Variants in NRG1 observed in about 807,000 individuals in gnomAD.
The protein encoded by NRG1 is neuregulin 1, also known as pro-neuregulin-1, membrane-bound isoform.
In NRG1, 18 loss-of-function variants were observed where a neutral mutation model predicts 63.8. The ratio of observed to expected loss-of-function variants is 0.28; its 90% confidence interval spans 0.19 to 0.42. NRG1 has a LOEUF of 0.42. NRG1 is among the 10% of genes least tolerant of loss of function. NRG1 has a pLI of 1.00. For synonymous variants in NRG1, 302 were observed against 301.3 expected (o/e 1.00, Z -0.02); for missense variants, 762 against 814.7 (o/e 0.94, Z 0.79).
intron 3 of NRG1, among the ~76,000 whole-genome samples, chr8:32,613,898 A>T (rs867924829): frequency 6.6e-6 from 1 of 152,186 alleles, no homozygotes; most frequent in Middle Eastern, 3.4e-3. Flanking sequence ...CACAATCCTC[A>T]TGAAAATGAT....
intron 1 of NRG1, among the ~76,000 whole-genome samples, chr8:31,965,219 T>A (rs1410365415): frequency 9.2e-6 from 1 of 108,856 alleles, no homozygotes; most frequent in African/African-American, 3.2e-5. Context: ...CAAGAGCAGA[T>A]GTCTTTTATT....
At chr8:32,058,805 A>G (rs1231202478) in intron 1 of NRG1, among the ~76,000 whole-genome samples, 1 of 152,050 alleles carries the variant, frequency 6.6e-6, no homozygotes, top group East Asian at 1.9e-4. Flanking sequence ...ATGACTTGCA[A>G]TATTTTCTCT....
chr8:32,196,234 T>G (rs1337861927), intron 1 of NRG1, among the ~76,000 whole-genome samples: 2 of 152,012 alleles, frequency 1.3e-5, no homozygotes, highest in African/African-American at 4.8e-5. Flanking sequence ...TTGCTTTGGC[T>G]GTGCTCTAGA....
rs1401383224 is a variant in NRG1, at chr8:32,218,272, C to G, written c.38-377556C>G. Among the ~76,000 whole-genome samples the G allele has an allele frequency of 2.6e-5, 4 of 152,298 alleles. No individual in the cohort carries two copies. In the East Asian group the frequency reaches 7.7e-4, roughly 29 times the overall value. ...CCAAGTTTTGGCCAATCAAAGGTGG[C>G]CAACCATTCAAACCATGTTCAAGTA... On this transcript the variant is annotated intron_variant, in intron 1 of 10. Coordinates refer to the NRG1 transcript ENST00000519301.
chr8:32,111,631 A>G (rs146170036), intron 1 of NRG1, among the ~76,000 whole-genome samples: 1,853 of 152,280 alleles, frequency 0.012, 22 homozygotes, highest in Middle Eastern at 0.024. Flanking sequence ...ATATTTCTCA[A>G]GACTCCCTGT....
At chr8:32,101,230 T>C (rs1401500626) in intron 1 of NRG1, among the ~76,000 whole-genome samples, 1 of 152,164 alleles carries the variant, frequency 6.6e-6, no homozygotes, top group Non-Finnish European at 1.5e-5. Flanking sequence ...GTCTGGGATG[T>C]AAGTGATTCT....
intron 1 of NRG1, among the ~76,000 whole-genome samples, chr8:32,339,076 G>C (rs1685116): frequency 0.12 from 18,056 of 151,950 alleles, 1,696 homozygotes; most frequent in East Asian, 0.58. Flanking sequence ...CTACAAAATT[G>C]TCACTTTTTA....
intron 1 of NRG1, among the ~76,000 whole-genome samples, chr8:32,351,830 G>A (rs1805647141): frequency 6.6e-6 from 1 of 152,206 alleles, no homozygotes; most frequent in Non-Finnish European, 1.5e-5. Flanking sequence ...TGCAGTGTGT[G>A]TCAGGGGCAC....
chr8:32,070,381 G>A (rs1381769780), intron 1 of NRG1, among the ~76,000 whole-genome samples: 1 of 152,146 alleles, frequency 6.6e-6, no homozygotes, highest in Non-Finnish European at 1.5e-5. Flanking sequence ...CTTGTTAGAT[G>A]ATATAATATC....
chr8:31,997,960 G>A (rs1257730947), intron 1 of NRG1, among the ~76,000 whole-genome samples: 3 of 152,012 alleles, frequency 2.0e-5, no homozygotes, highest in Non-Finnish European at 4.4e-5. Context: ...AATCTGGACA[G>A]TCTATCTTGA....
intron 3 of NRG1, among the ~76,000 whole-genome samples, chr8:32,610,390 A>G (rs1846172223): frequency 6.6e-6 from 1 of 152,210 alleles, no homozygotes; most frequent in Non-Finnish European, 1.5e-5. Flanking sequence ...CTTTCTCCCC[A>G]GATGACCTTG....
At chr8:32,068,487 T>C (rs1825237978) in intron 1 of NRG1, among the ~76,000 whole-genome samples, 1 of 152,308 alleles carries the variant, frequency 6.6e-6, no homozygotes, top group East Asian at 1.9e-4. Flanking sequence ...CGGGGCTGTT[T>C]CTGGGCTTAA....
At chr8:32,450,869 G>A (rs1490345639) in intron 1 of NRG1, among the ~76,000 whole-genome samples, 3 of 152,184 alleles carry the variant, frequency 2.0e-5, no homozygotes, top group Non-Finnish European at 2.9e-5. Flanking sequence ...TCTCAGGCCT[G>A]TGTGTTCTGA....
Position 31,920,884 on chromosome 8 carries a change from G to GTAGATAGATAGA in NRG1, c.37+281484_37+281495dup, listed in dbSNP as rs10532094. ...GATACATAGATAGATAGATAGATAG[G>GTAGATAGATAGA]TAGATAGATAGATAGATAGATAGAT... On this transcript the variant is annotated intron_variant, in intron 1 of 10. Transcript: ENST00000519301. Among the ~76,000 whole-genome samples the GTAGATAGATAGA allele has an allele frequency of 2.6e-3, 388 of 147,204 alleles. 3 individuals carry two copies. Among genetic ancestry groups the GTAGATAGATAGA allele is most frequent in the African/African-American group, 8.2e-3 (325 of 39,828 alleles).
intron 5 of NRG1, among the ~76,000 whole-genome samples, chr8:32,727,238 A>T (rs1188540969): frequency 6.6e-6 from 1 of 152,188 alleles, no homozygotes; most frequent in African/African-American, 2.4e-5. Flanking sequence ...TCTACCTCTC[A>T]TTCTAAATGG....
intron 1 of NRG1, among the ~76,000 whole-genome samples, chr8:32,418,118 T>C (rs754901606): frequency 8.3e-4 from 126 of 152,130 alleles, no homozygotes; most frequent in Non-Finnish European, 1.5e-3. Flanking sequence ...ATTTTGAAAA[T>C]ACAGCGATAT....
intron 1 of NRG1, among the ~76,000 whole-genome samples, chr8:32,274,903 C>G (rs780286802): frequency 9.2e-5 from 14 of 152,090 alleles, no homozygotes; most frequent in Non-Finnish European, 1.9e-4. Flanking sequence ...GGCTGTTTTC[C>G]CCTTCAAAAA....
rs532488671 is a variant in NRG1, at chr8:32,721,209, A to G, written c.503-6740A>G. 1.1e-4 allele frequency among the ~76,000 whole-genome samples: 16 copies of G among 152,308 alleles called. No individual in the cohort carries two copies. In the East Asian group the frequency reaches 2.9e-3, roughly 28 times the overall value. On this transcript the variant is annotated intron_variant, in intron 5 of 11. Coordinates refer to ENST00000356819, the Ensembl canonical transcript of NRG1. ...TAAAGACTGCAGAACTATTCTTTTG[A>G]GATGATCTGTATCCTCCTTTAAAAT...
chr8:31,769,123 C>G (rs1453676807), intron 1 of NRG1, among the ~76,000 whole-genome samples: 1 of 152,196 alleles, frequency 6.6e-6, no homozygotes, highest in Middle Eastern at 3.2e-3. Context: ...CTATTCCCCC[C>G]AATCATAACA....
Sources: allele counts gnomAD v4.1 joint callset (sites outside exome capture counted in the v4.1 genomes callset), GRCh38; gene constraint gnomAD v4.1.1; transcripts MANE v1.5; gene names NCBI Gene and HGNC (gene_info 2026-07-23, HGNC 2026-07-21).